PTPRR: variants seen among roughly 807,000 people sequenced by gnomAD.
PTPRR encodes the protein receptor-type tyrosine-protein phosphatase R.
PTPRR carries 38 observed loss-of-function variants against 77.2 expected under a neutral mutation model. The ratio of observed to expected loss-of-function variants is 0.49; its 90% CI spans 0.38 to 0.65. The LOEUF (loss-of-function observed/expected upper bound fraction) is 0.65, where lower values mean the gene tolerates loss of function less well. Ranked by LOEUF, PTPRR falls within the 30% of genes least tolerant of loss-of-function variation. The pLI is 0.00. For missense variants in PTPRR, 744 were observed against 799.2 expected, an observed-to-expected ratio of 0.93 and a Z score of 0.83; for synonymous variants, 299 against 283.1, an observed-to-expected ratio of 1.06 and a Z score of -0.57.
chr12:70,656,048 CA>C (rs578017935), intron 13 of PTPRR, among the ~76,000 whole-genome samples: 45 of 144,928 alleles, frequency 3.1e-4, no homozygotes, highest in African/African-American at 6.1e-4. Flanking sequence ...CCTGTCTCTA[CA>C]AAAAAAAAAA....
At chr12:70,877,667 T>C (rs1376886412) in intron 2 of PTPRR, among the ~76,000 whole-genome samples, 4 of 152,082 alleles carry the variant, frequency 2.6e-5, no homozygotes, top group Non-Finnish European at 4.4e-5. Flanking sequence ...AAAATGGCCA[T>C]ACTGCCCAAG....
intron 2 of PTPRR, among the ~76,000 whole-genome samples, chr12:70,786,872 C>T (rs964458125): frequency 2.0e-5 from 3 of 152,028 alleles, no homozygotes; most frequent in Admixed American, 2.0e-4. Flanking sequence ...TCTTAGTAAT[C>T]CTGATTTTTT....
intron 10 of PTPRR, among the ~76,000 whole-genome samples, chr12:70,676,467 T>C (rs1887450768): frequency 6.6e-6 from 1 of 152,060 alleles, no homozygotes; most frequent in African/African-American, 2.4e-5. Context: ...TATGTGAATC[T>C]ATTTAATTGT....
intron 13 of PTPRR, among the ~76,000 whole-genome samples, chr12:70,642,601 C>A (rs576612163): frequency 1.1e-4 from 17 of 152,050 alleles, no homozygotes; most frequent in Non-Finnish European, 1.5e-4. Flanking sequence ...CCTTTAAAGA[C>A]CTACAAGCAT....
chr12:70,707,981 C>T (rs572327830), intron 6 of PTPRR, among the ~76,000 whole-genome samples: 34 of 152,152 alleles, frequency 2.2e-4, no homozygotes, highest in Admixed American at 7.9e-4. Flanking sequence ...CATTCTCATC[C>T]GGACCTGTGT....
At position 70,754,235 on chromosome 12, in the gene PTPRR, C is replaced by T. The variant is rs1565683297; in HGVS notation, c.694G>A (p.Val232Ile). ...IWSKEGFYAVVIFLSIFVIIV... is the reference protein window; with the variant it reads ...IWSKEGFYAVIIFLSIFVIIV... ...ATAACAAAGATGCTGAGAAAAATGA[C>T]AACAGCATAAAATCCTTCTTTGCTC... The change falls in exon 5 of 14, where the codon GTC becomes ATC. Residue 232 changes from valine (V) to isoleucine (I), a missense_variant. By Grantham distance (29) the Val-to-Ile change is conservative (BLOSUM62 3). This residue lies in a region of PTPRR where 570 missense variants were observed against 573.2 expected (regional missense o/e 0.99). Transcript: ENST00000283228. 6.2e-7 allele frequency: 1 copy of T among 1,613,686 alleles called. No individual in the cohort carries two copies. The highest frequency in any genetic ancestry group is 1.7e-5 in the Admixed American group (1 of 59,928).
chr12:70,709,624 C>G (rs186252169), intron 6 of PTPRR, among the ~76,000 whole-genome samples: 1 of 152,108 alleles, frequency 6.6e-6, no homozygotes, highest in Non-Finnish European at 1.5e-5. Context: ...GAATAAACAA[C>G]TTCAGCAAAG....
At chr12:70,715,964 T>C (rs1284476477) in intron 6 of PTPRR, among the ~76,000 whole-genome samples, 1 of 152,184 alleles carries the variant, frequency 6.6e-6, no homozygotes, top group Non-Finnish European at 1.5e-5. Flanking sequence ...TAAGTGTCCA[T>C]GAAATCTTTA....
At chr12:70,645,663 G>A (rs1372451331) in intron 13 of PTPRR, among the ~76,000 whole-genome samples, 1 of 152,176 alleles carries the variant, frequency 6.6e-6, no homozygotes, top group Non-Finnish European at 1.5e-5. Flanking sequence ...GAAATGCTGT[G>A]TTTGGCCAGG....
At chr12:70,785,160 T>A (rs1592756373) in intron 2 of PTPRR, among the ~76,000 whole-genome samples, 1 of 152,200 alleles carries the variant, frequency 6.6e-6, no homozygotes, top group Non-Finnish European at 1.5e-5. Flanking sequence ...TCCTAAATCA[T>A]GTAGAAGACT....
At position 70,827,224 on chromosome 12, in the gene PTPRR, G is replaced by T. The variant is rs542247333; in HGVS notation, c.358-62446C>A. On this transcript the variant is annotated intron_variant, in intron 2 of 13. Coordinates refer to ENST00000283228, the MANE Select transcript of PTPRR (RefSeq NM_002849.4). ...CCTCACTGGAATATAAGTTACAGTG[G>T]GGCAGGGCCCATGTCTCTCCAGCTG... Among the ~76,000 whole-genome samples, 480 of 152,270 alleles carry T rather than the reference G, an allele frequency of 3.2e-3. 2 individuals carry two copies. Among genetic ancestry groups the T allele is most frequent in the African/African-American group, 0.011 (464 of 41,540 alleles).
chr12:70,674,120 G>A (rs546029726), intron 10 of PTPRR, among the ~76,000 whole-genome samples: 12 of 151,990 alleles, frequency 7.9e-5, no homozygotes, highest in African/African-American at 2.9e-4. Context: ...TTTTTGTTGA[G>A]ATATAAGTCT....
chr12:70,758,932 CTTGTTG>C (rs10680609), intron 4 of PTPRR, among the ~76,000 whole-genome samples: 40 of 150,786 alleles, frequency 2.7e-4, no homozygotes, highest in Middle Eastern at 3.4e-3. Context: ...GCTATTTGCT[CTTGTTG>C]TTGTTGTTGT....
At chr12:70,881,153 G>A (rs1385419909) in intron 2 of PTPRR, among the ~76,000 whole-genome samples, 2 of 152,154 alleles carry the variant, frequency 1.3e-5, no homozygotes, top group Non-Finnish European at 2.9e-5. Flanking sequence ...GATGGCTCAA[G>A]TCACATAGAA....
intron 2 of PTPRR, among the ~76,000 whole-genome samples, chr12:70,796,551 G>T (rs916715808): frequency 6.6e-6 from 1 of 152,160 alleles, no homozygotes; most frequent in Non-Finnish European, 1.5e-5. Flanking sequence ...CTCAACAAAT[G>T]TATTAGATCC....
intron 6 of PTPRR, among the ~76,000 whole-genome samples, chr12:70,729,433 T>C (rs1292807787): frequency 6.6e-6 from 1 of 152,148 alleles, no homozygotes; most frequent in Non-Finnish European, 1.5e-5. Flanking sequence ...CTCTAGAATA[T>C]TTTCCATCTG....
chr12:70,844,573 T>TG (rs1205356606), intron 2 of PTPRR, among the ~76,000 whole-genome samples: 1 of 151,770 alleles, frequency 6.6e-6, no homozygotes, highest in African/African-American at 2.4e-5. Flanking sequence ...GTAGGGAAAA[T>TG]GGGGAGATGT....
At chr12:70,671,304 A>G (rs1887213263) in intron 10 of PTPRR, among the ~76,000 whole-genome samples, 3 of 152,164 alleles carry the variant, frequency 2.0e-5, no homozygotes, top group Admixed American at 6.5e-5. Context: ...TTTTTATTTT[A>G]AAGAGTAATG....
intron 2 of PTPRR, among the ~76,000 whole-genome samples, chr12:70,812,262 G>C: frequency 6.6e-6 from 1 of 152,198 alleles, no homozygotes; most frequent in East Asian, 1.9e-4. Context: ...ACTGGCAGTA[G>C]AGTGGGTGAA....
Sources: gnomAD v4.1 joint callset for allele counts (sites outside exome capture counted in the v4.1 genomes callset) on GRCh38, gnomAD v4.1.1 for gene constraint, gnomAD v4.1.1 regional missense constraint, MANE v1.5 for transcripts, NCBI Gene and HGNC (gene_info 2026-07-23, HGNC 2026-07-21) for gene names.